Variants in TANC2 observed in about 807,000 individuals in gnomAD.
TANC2 encodes the protein protein TANC2.
In TANC2, 26 loss-of-function variants were observed where a neutral mutation model predicts 210.5. The ratio of observed to expected loss-of-function variants is 0.12; its 90% confidence interval spans 0.09 to 0.17. The LOEUF (loss-of-function observed/expected upper bound fraction) is 0.17. TANC2 is among the 10% of genes least tolerant of loss of function. The pLI is 1.00. For missense variants in TANC2, 2,129 were observed against 2,608.9 expected, an observed-to-expected ratio of 0.82 and a Z score of 4.01; for synonymous variants, 931 against 967.1, an observed-to-expected ratio of 0.96 and a Z score of 0.69.
Position 63,377,156 on chromosome 17 carries a change from G to A in TANC2, c.2583-2562G>A, listed in dbSNP as rs548470821. Among the ~76,000 whole-genome samples, 87 of 152,252 alleles carry A rather than the reference G, an allele frequency of 5.7e-4. 1 individual carries two copies. The highest frequency in any genetic ancestry group is 2.6e-3 in the Admixed American group (40 of 15,292). ...CCACTAAGCCACTTTTTCCTCCTAG[G>A]CCTCCAGGCCTGTGATGGGAGGGGC... On this transcript the variant is annotated intron_variant, in intron 14 of 27. Transcript: ENST00000689528.
chr17:63,338,329 A>G (rs951208343), intron 11 of TANC2, among the ~76,000 whole-genome samples: 4 of 152,244 alleles, frequency 2.6e-5, no homozygotes, highest in Non-Finnish European at 5.9e-5. Flanking sequence ...CCAAGAGCAC[A>G]GATGGGTTTT....
Position 63,276,282 on chromosome 17 carries a change from C to T in TANC2, c.1159+8409C>T, listed in dbSNP as rs569233269. ...AATTAAAATACCCAGTTTTTATATT[C>T]CCAAAAATAAATGTTGTATATCACC... On this transcript the variant is annotated intron_variant, in intron 9 of 27. Transcript: ENST00000689528. Among the ~76,000 whole-genome samples the T allele has an allele frequency of 3.9e-5, 6 of 152,050 alleles. No individual in the cohort carries two copies. In the South Asian group the frequency reaches 1.2e-3, roughly 32 times the overall value.
intron 5 of TANC2, among the ~76,000 whole-genome samples, chr17:63,187,207 A>G (rs979875183): frequency 6.6e-6 from 1 of 152,208 alleles, no homozygotes; most frequent in East Asian, 1.9e-4. Context: ...AGATGACGGT[A>G]TAACTTAGGA....
At chr17:63,195,903 C>T (rs1467841853) in intron 6 of TANC2, among the ~76,000 whole-genome samples, 1 of 152,172 alleles carries the variant, frequency 6.6e-6, no homozygotes, top group Admixed American at 6.5e-5. Context: ...CTCCCTTTCA[C>T]GCACGGCTCT....
At chr17:63,012,412 A>C (rs571063485) in intron 2 of TANC2, among the ~76,000 whole-genome samples, 1 of 152,282 alleles carries the variant, frequency 6.6e-6, no homozygotes, top group Non-Finnish European at 1.5e-5. Context: ...CTAAAGATTA[A>C]AACAATACTT....
At chr17:63,095,346 G>A (rs1033678010) in intron 3 of TANC2, among the ~76,000 whole-genome samples, 2 of 151,848 alleles carry the variant, frequency 1.3e-5, no homozygotes, top group African/African-American at 4.8e-5. Flanking sequence ...AATATTTTTC[G>A]TTTTTGTAGA....
intron 8 of TANC2, 36 bp from the exon 9 acceptor site, chr17:63,267,712 C>T (rs1177194992): frequency 2.5e-6 from 4 of 1,601,158 alleles, no homozygotes; most frequent in Non-Finnish European, 2.6e-6. Context: ...ATTTTCTGAA[C>T]TTAAATATTC....
intron 1 of TANC2, among the ~76,000 whole-genome samples, chr17:63,004,353 A>G (rs1344960393): frequency 6.6e-6 from 1 of 152,184 alleles, no homozygotes; most frequent in Non-Finnish European, 1.5e-5. Flanking sequence ...GTGGAAAGGG[A>G]GAAGAGGACG....
At chr17:63,054,745 T>A (rs2035709189) in intron 2 of TANC2, among the ~76,000 whole-genome samples, 2 of 152,180 alleles carry the variant, frequency 1.3e-5, no homozygotes, top group African/African-American at 4.8e-5. Flanking sequence ...TTCATTCATG[T>A]CCTCTAACTC....
chr17:63,213,918 A>T (rs1335624023), intron 7 of TANC2, among the ~76,000 whole-genome samples: 1 of 152,208 alleles, frequency 6.6e-6, no homozygotes, highest in Non-Finnish European at 1.5e-5. Flanking sequence ...AGAGCCTGAG[A>T]CAAAAGTTTA....
intron 4 of TANC2, among the ~76,000 whole-genome samples, chr17:63,142,979 C>A (rs1567759164): frequency 6.6e-6 from 1 of 152,034 alleles, no homozygotes; most frequent in South Asian, 2.1e-4. Context: ...CTGTCTTACC[C>A]CCTCATTAAG....
Position 63,412,728 on chromosome 17 carries a change from A to G in TANC2, c.3928+19A>G. 1 of 1,535,452 alleles carries G rather than the reference A, an allele frequency of 6.5e-7. No homozygotes were observed. The highest frequency in any genetic ancestry group is 8.7e-7 in the Non-Finnish European group (1 of 1,146,886). ...CCACGAGGTATATTTCACCGCTGTC[A>G]GCATCAGGCGTGGTCTGATGGCTTG... is the stretch of plus-strand genomic sequence containing the variant. On this transcript the variant is annotated intron_variant, in intron 24 of 27. Transcript: ENST00000689528. This position sits in a 1 kb window ranked among gnomAD's most constrained non-coding sequence, Gnocchi z 4.2.
intron 9 of TANC2, among the ~76,000 whole-genome samples, chr17:63,295,865 G>T (rs145934313): frequency 1.3e-5 from 2 of 152,208 alleles, no homozygotes; most frequent in African/African-American, 4.8e-5. Flanking sequence ...ATTTTATGAG[G>T]GGCCCATAAT....
intron 5 of TANC2, among the ~76,000 whole-genome samples, chr17:63,190,451 G>A (rs531828003): frequency 8.5e-5 from 13 of 152,256 alleles, no homozygotes; most frequent in East Asian, 1.9e-4. Context: ...TTAATGTTGC[G>A]TTGTAATAAA....
At chr17:63,094,012 T>G (rs1458984603) in intron 3 of TANC2, among the ~76,000 whole-genome samples, 1 of 152,180 alleles carries the variant, frequency 6.6e-6, no homozygotes, top group East Asian at 1.9e-4. Context: ...TTTTATGTTT[T>G]TAGTAGTGTT....
intron 7 of TANC2, among the ~76,000 whole-genome samples, chr17:63,213,310 G>T (rs1472851314): frequency 6.6e-6 from 1 of 152,124 alleles, no homozygotes; most frequent in African/African-American, 2.4e-5. Context: ...GACACACAAA[G>T]AAAACACCAC....
At chr17:63,191,608 G>A (rs1023325015) in intron 5 of TANC2, among the ~76,000 whole-genome samples, 14 of 151,780 alleles carry the variant, frequency 9.2e-5, no homozygotes, top group African/African-American at 2.7e-4. Context: ...GACCACAGGC[G>A]CGCGCCACCA....
intron 5 of TANC2, among the ~76,000 whole-genome samples, chr17:63,171,644 G>A (rs1224792430): frequency 2.0e-5 from 3 of 152,118 alleles, no homozygotes; most frequent in Non-Finnish European, 2.9e-5. Context: ...TGGCTCTGTT[G>A]CAAACCAATT....
At chr17:63,382,558 ATAT>A (rs1186441048) in intron 15 of TANC2, among the ~76,000 whole-genome samples, 1 of 152,246 alleles carries the variant, frequency 6.6e-6, no homozygotes, top group Non-Finnish European at 1.5e-5. Context: ...ATGTAATCAA[ATAT>A]TATCTACCAG....
Sources: gnomAD v4.1 joint callset for allele counts (sites outside exome capture counted in the v4.1 genomes callset) on GRCh38, gnomAD v4.1.1 for gene constraint, Gnocchi (gnomAD v3.1) non-coding constraint, MANE v1.5 for transcripts, NCBI Gene and HGNC (gene_info 2026-07-23, HGNC 2026-07-21) for gene names.